HS6ST2: variants seen among roughly 807,000 people sequenced by gnomAD.
The protein encoded by HS6ST2 is heparan-sulfate 6-O-sulfotransferase 2.
In HS6ST2, 17 loss-of-function variants were observed where a neutral mutation model predicts 33.0. That is an observed-to-expected ratio of 0.52 (90% CI 0.35 to 0.77). The LOEUF (loss-of-function observed/expected upper bound fraction) is 0.77, where lower values mean the gene tolerates loss of function less well. Ranked by LOEUF, HS6ST2 falls within the 30% of genes least tolerant of loss-of-function variation. The pLI is 0.01. For missense variants in HS6ST2, 519 were observed against 551.7 expected (o/e 0.94, Z 0.59); for synonymous variants, 248 against 237.1 (o/e 1.05, Z -0.42).
At chrX:132,798,653 T>C (rs1602689177) in intron 2 of HS6ST2, among the ~76,000 whole-genome samples, 1 of 111,885 alleles carries the variant, frequency 8.9e-6, no homozygotes, top group Middle Eastern at 4.6e-3. Context: ...AGAATACATC[T>C]TTTGAGTTTG....
At chrX:132,734,900 A>T (rs1401648589) in intron 2 of HS6ST2, among the ~76,000 whole-genome samples, 1 of 110,630 alleles carries the variant, frequency 9.0e-6, no homozygotes, top group Non-Finnish European at 1.9e-5. Flanking sequence ...TGACAGAGAG[A>T]TCTGCAAAGA....
intron 4 of HS6ST2, among the ~76,000 whole-genome samples, chrX:132,635,963 C>T (rs2063549197): frequency 9.0e-6 from 1 of 110,930 alleles, no homozygotes; most frequent in Middle Eastern, 4.7e-3. Flanking sequence ...CTGTCTCCTC[C>T]GCGAAACCTT....
At chrX:132,782,857 T>C (rs762900187) in intron 2 of HS6ST2, among the ~76,000 whole-genome samples, 1 of 111,522 alleles carries the variant, frequency 9.0e-6, no homozygotes, top group East Asian at 2.8e-4. Context: ...GATGGTTTGG[T>C]CATCAAATGA....
rs1019112104 is a variant in HS6ST2 at position 132,894,739 on chromosome X, T to C, written c.947+62069A>G. On this transcript the variant is annotated intron_variant, in intron 2 of 4. Transcript: ENST00000370833. ...TTTGTAGAGACAGGGTTTCACCATG[T>C]TGGCCAGGCTGGTCTCGAGCTCCTG... 4.5e-5 allele frequency among the ~76,000 whole-genome samples: 5 copies of C among 111,102 alleles called. No individual in the cohort carries two copies. The Admixed American group carries it at 4.8e-4, about 11-fold the overall frequency.
At chrX:132,924,706 G>A (rs1438001975) in intron 2 of HS6ST2, among the ~76,000 whole-genome samples, 4 of 111,653 alleles carry the variant, frequency 3.6e-5, no homozygotes, top group African/African-American at 9.8e-5. Context: ...TTGAGTTGTT[G>A]ACGGGGCATG....
At chrX:132,830,140 C>T (rs766239870) in intron 2 of HS6ST2, among the ~76,000 whole-genome samples, 1 of 111,880 alleles carries the variant, frequency 8.9e-6, no homozygotes, top group South Asian at 3.8e-4. Flanking sequence ...ACAACTGCAT[C>T]AGGTAATTGG....
chrX:132,793,587 C>T lies in HS6ST2; in HGVS notation c.948-85093G>A, dbSNP rs376718835. On this transcript the variant is annotated intron_variant, in intron 2 of 4. Coordinates refer to ENST00000370833, the MANE Select transcript of HS6ST2 (RefSeq NM_001394073.1). Reference sequence around the variant, plus strand: ...CAGAAGGTGTCAACCTAAATACTTACGTAGGAACATTTGGCTTGACTTCTA... The same window carrying T: ...CAGAAGGTGTCAACCTAAATACTTATGTAGGAACATTTGGCTTGACTTCTA... Among the ~76,000 whole-genome samples, 6 of 112,038 alleles carry T rather than the reference C, an allele frequency of 5.4e-5. No individual in the cohort carries two copies. The East Asian group carries it at 1.4e-3, about 26-fold the overall frequency.
intron 4 of HS6ST2, chrX:132,667,547 T>C (rs773393159): frequency 8.9e-6 from 1 of 112,223 alleles, no homozygotes; most frequent in Non-Finnish European, 1.9e-5. Flanking sequence ...ATTCTACCAA[T>C]TGCTCCTTTT....
chrX:132,698,057 G>A (rs888042532), intron 3 of HS6ST2, among the ~76,000 whole-genome samples: 7 of 111,543 alleles, frequency 6.3e-5, no homozygotes, highest in African/African-American at 2.3e-4. Flanking sequence ...GAGCACACAA[G>A]GGGTCCTCAA....
chrX:132,892,225 G>C (rs919881098), intron 2 of HS6ST2, among the ~76,000 whole-genome samples: 1 of 112,173 alleles, frequency 8.9e-6, no homozygotes, highest in African/African-American at 3.2e-5. Context: ...ATTTTCAACA[G>C]TATTTTTGTT....
intron 4 of HS6ST2, among the ~76,000 whole-genome samples, chrX:132,634,094 C>T (rs2063537328): frequency 8.9e-6 from 1 of 112,271 alleles, no homozygotes. Context: ...CCTGTTTAAT[C>T]TCTTCTTGAT....
chrX:132,787,179 A>ATGTG (rs1206558764), intron 2 of HS6ST2, among the ~76,000 whole-genome samples: 20 of 81,900 alleles, frequency 2.4e-4, no homozygotes, highest in Non-Finnish European at 3.7e-4. Flanking sequence ...ATATATATAT[A>ATGTG]TATATATACA....
chrX:132,716,352 GTCTT>G (rs2064273658), intron 2 of HS6ST2, among the ~76,000 whole-genome samples: 1 of 112,114 alleles, frequency 8.9e-6, no homozygotes, highest in African/African-American at 3.2e-5. Context: ...TGACAATTTA[GTCTT>G]TCAGAAAGCA....
chrX:132,876,134 T>C (rs1257988272), intron 2 of HS6ST2, among the ~76,000 whole-genome samples: 1 of 111,961 alleles, frequency 8.9e-6, no homozygotes, highest in Non-Finnish European at 1.9e-5. Context: ...TGTGCTTGCT[T>C]GTGTAATCCT....
At chrX:132,675,134 C>T (rs2063914454) in intron 3 of HS6ST2, among the ~76,000 whole-genome samples, 1 of 110,932 alleles carries the variant, frequency 9.0e-6, no homozygotes. Flanking sequence ...GAGAAGATGA[C>T]GGATTCAGTT....
chrX:132,806,035 A>G (rs1244876517), intron 2 of HS6ST2, among the ~76,000 whole-genome samples: 1 of 110,008 alleles, frequency 9.1e-6, no homozygotes, highest in African/African-American at 3.3e-5. Context: ...TTTGGGGGAG[A>G]ACAGGGTGTT....
intron 2 of HS6ST2, among the ~76,000 whole-genome samples, chrX:132,858,137 T>C (rs1454508326): frequency 9.0e-6 from 1 of 111,444 alleles, no homozygotes; most frequent in Non-Finnish European, 1.9e-5. Flanking sequence ...AGGAAACCAG[T>C]ATGTGGTTTC....
At chrX:132,812,398 C>G (rs996172325) in intron 2 of HS6ST2, among the ~76,000 whole-genome samples, 1 of 63,781 alleles carries the variant, frequency 1.6e-5, no homozygotes, top group Non-Finnish European at 3.3e-5. Flanking sequence ...GAGCAAGACT[C>G]TGTCTCAAAT....
chrX:132,724,889 C>T (rs2064377865), intron 2 of HS6ST2, among the ~76,000 whole-genome samples: 1 of 111,928 alleles, frequency 8.9e-6, no homozygotes, highest in Non-Finnish European at 1.9e-5. Flanking sequence ...TTGCCAAGAA[C>T]ATACACTGGG....
Sources: allele counts gnomAD v4.1 joint callset (sites outside exome capture counted in the v4.1 genomes callset), GRCh38; gene constraint gnomAD v4.1.1; transcripts MANE v1.5; gene names NCBI Gene and HGNC (gene_info 2026-07-23, HGNC 2026-07-21).